Variants in GPR26 observed in about 807,000 individuals in gnomAD.
GPR26 encodes G protein-coupled receptor 26.
Under a neutral mutation model 23.1 loss-of-function variants are expected in GPR26, and 15 were observed. The ratio of observed to expected loss-of-function variants is 0.65; its 90% CI spans 0.43 to 1.00. GPR26 has a LOEUF of 1.00. Among genes scored for constraint, GPR26 ranks in the 50% least tolerant of loss-of-function variants. The probability of loss-of-function intolerance (pLI) is 0.00; values close to 1 mark genes in which losing one functional copy is unlikely to be tolerated. For missense variants in GPR26, 359 were observed against 470.5 expected (o/e 0.76, Z 2.19); for synonymous variants, 228 against 222.1 (o/e 1.03, Z -0.24).
At chr10:123,678,153 A>G (rs990653323) in intron 2 of GPR26, among the ~76,000 whole-genome samples, 2 of 152,244 alleles carry the variant, frequency 1.3e-5, no homozygotes, top group Non-Finnish European at 2.9e-5. Context: ...TAAATAAAAT[A>G]TGTAATTAAA....
chr10:123,672,248 C>G (rs918526513), intron 1 of GPR26, among the ~76,000 whole-genome samples: 2 of 151,844 alleles, frequency 1.3e-5, no homozygotes, highest in Non-Finnish European at 1.5e-5. Flanking sequence ...AAAAATCACT[C>G]TCTCTTTTGA....
chr10:123,675,798 C>CTGTGTGTGTGTGTGTGTGTG (rs57869785), intron 2 of GPR26, among the ~76,000 whole-genome samples: 39 of 142,628 alleles, frequency 2.7e-4, no homozygotes, highest in Non-Finnish European at 4.7e-4. Context: ...GCAGGGTTTT[C>CTGTGTGTGTGTGTGTGTGTG]TGTGTGTGTG....
rs555454355 is a variant in GPR26 at position 123,675,478 on chromosome 10, G to A, written c.782+547G>A. On this transcript the variant is annotated intron_variant, in intron 2 of 2. Transcript: ENST00000284674. ...CTTCCACTGTTAGGCCAGGTGCTGTGAGGCTTGTTGTGTTCTCTACCAGAT... is the reference window on the plus strand; with the variant it reads ...CTTCCACTGTTAGGCCAGGTGCTGTAAGGCTTGTTGTGTTCTCTACCAGAT... Among the ~76,000 whole-genome samples the A allele has an allele frequency of 3.3e-5, 5 of 152,280 alleles. No homozygotes were observed. In the East Asian group the frequency reaches 7.7e-4, roughly 24 times the overall value.
intron 2 of GPR26, among the ~76,000 whole-genome samples, chr10:123,675,686 A>G (rs1029351269): frequency 6.6e-6 from 1 of 152,198 alleles, no homozygotes; most frequent in Non-Finnish European, 1.5e-5. Context: ...TTGCATCTAA[A>G]GGGGCTTAAC....
At chr10:123,682,623 A>C (rs1171525820) in intron 2 of GPR26, among the ~76,000 whole-genome samples, 5 of 152,246 alleles carry the variant, frequency 3.3e-5, no homozygotes, top group African/African-American at 1.2e-4. Flanking sequence ...AAGCATTTGT[A>C]AGGCTATGCT....
At chr10:123,671,590 C>T (rs146566810) in intron 1 of GPR26, among the ~76,000 whole-genome samples, 3 of 152,288 alleles carry the variant, frequency 2.0e-5, no homozygotes, top group African/African-American at 4.8e-5. Context: ...CGGGTTGCCT[C>T]GGGAGAGCTT....
intron 2 of GPR26, among the ~76,000 whole-genome samples, chr10:123,684,050 C>T (rs760465047): frequency 2.4e-4 from 37 of 152,126 alleles, no homozygotes; most frequent in Non-Finnish European, 2.6e-4. Flanking sequence ...ATCTGCTGAC[C>T]GAGGGTGTGG....
At position 123,666,975 on chromosome 10, in the gene GPR26, T is replaced by G. The variant is rs768601076; in HGVS notation, c.568T>G (p.Cys190Gly). The G allele has an allele frequency of 6.2e-7, 1 of 1,613,790 alleles. No individual in the cohort carries two copies. The highest frequency in any genetic ancestry group is 1.1e-5 in the South Asian group (1 of 91,050). The change falls in exon 1 of 3, where the codon TGC becomes GGC. Residue 190 changes from cysteine to glycine, a missense_variant. Physicochemically the swap from Cys to Gly is radical, Grantham distance 159 (BLOSUM62 -3). Transcript: ENST00000284674. Reference sequence around the variant, plus strand: ...CCTGCTCTCCTTCGTCGTGCTCTGCTGCACGTACCTCAAGGTGCTCAAGGT... The same window carrying G: ...CCTGCTCTCCTTCGTCGTGCTCTGCGGCACGTACCTCAAGGTGCTCAAGGT... Reference protein sequence around the residue: ...SFLLSFVVLCCTYLKVLKVAR... With the variant: ...SFLLSFVVLCGTYLKVLKVAR...
intron 2 of GPR26, among the ~76,000 whole-genome samples, chr10:123,679,862 C>A (rs113872065): frequency 1.3e-5 from 2 of 152,148 alleles, no homozygotes; most frequent in Non-Finnish European, 2.9e-5. Context: ...GCAGATCTCC[C>A]GAGGCTTGCT....
intron 2 of GPR26, among the ~76,000 whole-genome samples, chr10:123,678,262 A>AGGCTGACCACACCTGT (rs1346609661): frequency 6.6e-6 from 1 of 152,170 alleles, no homozygotes; most frequent in African/African-American, 2.4e-5. Flanking sequence ...TGGTCAGGGA[A>AGGCTGACCACACCTGT]GTCAGGGGTG....
In GPR26 at chr10:123,666,773, C is replaced by T. The variant is rs552711295; in HGVS notation, c.366C>T (p.Asp122=). 4 of 1,603,672 alleles carry T rather than the reference C, an allele frequency of 2.5e-6. No homozygotes were observed. In the Admixed American group the frequency reaches 5.0e-5, roughly 20 times the overall value. ...ACCGGGCCAAGATGCGCCTCCGCGA[C>T]GCGGCGCTCATGGTGGCCTACACGT... ...LSYRAKMRLR[D]AALMVAYTWL... Residue 122 remains aspartate, a synonymous_variant, in exon 1 of 3, where the codon GAC becomes GAT. Transcript: ENST00000284674.
intron 1 of GPR26, among the ~76,000 whole-genome samples, chr10:123,673,513 G>A (rs998711974): frequency 1.3e-5 from 2 of 152,180 alleles, no homozygotes; most frequent in Non-Finnish European, 2.9e-5. Context: ...TGATCCTCTG[G>A]AAAGGTCCCA....
chr10:123,670,736 G>A lies in GPR26; in HGVS notation c.668+3661G>A, dbSNP rs117267404. 3.4e-3 allele frequency among the ~76,000 whole-genome samples: 513 copies of A among 152,306 alleles called. 3 individuals carry two copies. The highest frequency in any genetic ancestry group is 0.02 in the Middle Eastern group (6 of 294). ...TGTTGCTCACAAACACCACCCCTCAGGCGTCTAGCTGGGCACACAGATGGC... is the reference window on the plus strand; with the variant it reads ...TGTTGCTCACAAACACCACCCCTCAAGCGTCTAGCTGGGCACACAGATGGC... On this transcript the variant is annotated intron_variant, in intron 1 of 2. Transcript: ENST00000284674.
intron 1 of GPR26, among the ~76,000 whole-genome samples, chr10:123,670,655 C>T (rs1232978451): frequency 6.6e-6 from 1 of 152,192 alleles, no homozygotes; most frequent in Non-Finnish European, 1.5e-5. Flanking sequence ...CTAACCAGCA[C>T]CACGAGGGGC....
chr10:123,679,635 T>C (rs2362651), intron 2 of GPR26, among the ~76,000 whole-genome samples: 1 of 151,748 alleles, frequency 6.6e-6, no homozygotes, highest in East Asian at 1.9e-4. Context: ...TTTGAATAAT[T>C]GCCCAGAGCT....
chr10:123,667,711 G>A (rs1337644513), intron 1 of GPR26, among the ~76,000 whole-genome samples: 2 of 151,994 alleles, frequency 1.3e-5, no homozygotes, highest in East Asian at 3.9e-4. Flanking sequence ...TGCCTGACTT[G>A]GTGCCTAGAG....
chr10:123,669,832 C>T (rs945883437), intron 1 of GPR26, among the ~76,000 whole-genome samples: 3 of 152,332 alleles, frequency 2.0e-5, no homozygotes, highest in Middle Eastern at 3.4e-3. Flanking sequence ...GCATTCCGCA[C>T]TCCTGCCTTT....
At chr10:123,675,486 T>C (rs1355407368) in intron 2 of GPR26, among the ~76,000 whole-genome samples, 1 of 152,142 alleles carries the variant, frequency 6.6e-6, no homozygotes, top group Non-Finnish European at 1.5e-5. Context: ...GTGAGGCTTG[T>C]TGTGTTCTCT....
chr10:123,679,382 A>G (rs1315113781), intron 2 of GPR26, among the ~76,000 whole-genome samples: 1 of 152,164 alleles, frequency 6.6e-6, no homozygotes, highest in Non-Finnish European at 1.5e-5. Context: ...CGCAAGCTTG[A>G]ATTTTTTCTT....
Sources: allele counts gnomAD v4.1 joint callset (sites outside exome capture counted in the v4.1 genomes callset), GRCh38; gene constraint gnomAD v4.1.1; transcripts MANE v1.5; gene names NCBI Gene and HGNC (gene_info 2026-07-23, HGNC 2026-07-21).